The following ERBB4 variants were observed in gnomAD, a reference collection of about 807,000 sequenced individuals.
The protein encoded by ERBB4 is erb-b2 receptor tyrosine kinase 4, also known as receptor tyrosine-protein kinase erbB-4.
In ERBB4, 42 loss-of-function variants were observed where a neutral mutation model predicts 158.0. The ratio of observed to expected loss-of-function variants is 0.27; its 90% CI spans 0.21 to 0.34. The LOEUF is 0.34. ERBB4 is among the 10% of genes least tolerant of loss of function. The pLI is 1.00. For synonymous variants in ERBB4, 583 were observed against 558.7 expected (o/e 1.04, Z -0.61); for missense variants, 1,333 against 1,624.1 (o/e 0.82, Z 3.08).
intron 1 of ERBB4, among the ~76,000 whole-genome samples, chr2:212,281,896 A>G (rs746790664): frequency 6.6e-6 from 1 of 151,790 alleles, no homozygotes; most frequent in Non-Finnish European, 1.5e-5. Context: ...GTAAAAATCA[A>G]TTGTCTAACC....
At chr2:212,291,231 C>G (rs1241428903) in intron 1 of ERBB4, among the ~76,000 whole-genome samples, 1 of 152,094 alleles carries the variant, frequency 6.6e-6, no homozygotes, top group Non-Finnish European at 1.5e-5. Flanking sequence ...AACAACACTT[C>G]CTATAGACTC....
chr2:211,970,468 C>A (rs2081420340), intron 2 of ERBB4, among the ~76,000 whole-genome samples: 1 of 152,082 alleles, frequency 6.6e-6, no homozygotes, highest in South Asian at 2.1e-4. Flanking sequence ...CTAATATTGT[C>A]AGTGAGGTGT....
At chr2:212,427,111 C>T (rs1284208706) in intron 1 of ERBB4, among the ~76,000 whole-genome samples, 1 of 152,070 alleles carries the variant, frequency 6.6e-6, no homozygotes, top group Non-Finnish European at 1.5e-5. Context: ...CAACCCAACC[C>T]AGAATGCATT....
intron 20 of ERBB4, among the ~76,000 whole-genome samples, chr2:211,434,413 G>A (rs1334021330): frequency 6.6e-6 from 1 of 152,108 alleles, no homozygotes; most frequent in African/African-American, 2.4e-5. Context: ...CGAGAGATCT[G>A]TTGCTTCTTC....
intron 1 of ERBB4, among the ~76,000 whole-genome samples, chr2:212,346,727 GATCT>G (rs1447904588): frequency 6.6e-6 from 1 of 151,900 alleles, no homozygotes; most frequent in Non-Finnish European, 1.5e-5. Context: ...AACTTTTCTA[GATCT>G]ATCACACAAT....
chr2:212,476,662 C>A (rs1689420383), intron 1 of ERBB4, among the ~76,000 whole-genome samples: 1 of 152,038 alleles, frequency 6.6e-6, no homozygotes, highest in Non-Finnish European at 1.5e-5. Context: ...GGAACTAATG[C>A]CAAAGGTACC....
chr2:211,542,084 C>G (rs2066825045), intron 20 of ERBB4, among the ~76,000 whole-genome samples: 1 of 151,970 alleles, frequency 6.6e-6, no homozygotes. Flanking sequence ...ACTTTCATTT[C>G]ACCTAAGAAC....
chr2:211,584,018 T>C (rs942358193), intron 19 of ERBB4, among the ~76,000 whole-genome samples: 3 of 146,746 alleles, frequency 2.0e-5, no homozygotes, highest in African/African-American at 7.6e-5. Context: ...ACAGGTGAGA[T>C]AGCATACTAG....
chr2:212,488,433 G>C (rs1690099345), intron 1 of ERBB4, among the ~76,000 whole-genome samples: 1 of 151,146 alleles, frequency 6.6e-6, no homozygotes, highest in Non-Finnish European at 1.5e-5. Context: ...CATCCATATT[G>C]TTGTAAAAAT....
intron 19 of ERBB4, among the ~76,000 whole-genome samples, chr2:211,596,966 A>G (rs968935549): frequency 5.3e-5 from 8 of 152,032 alleles, no homozygotes; most frequent in Non-Finnish European, 1.0e-4. Flanking sequence ...GGTTTTTGCC[A>G]TGTTGGCCAG....
At chr2:211,567,628 A>C (rs2067589580) in intron 19 of ERBB4, among the ~76,000 whole-genome samples, 1 of 152,156 alleles carries the variant, frequency 6.6e-6, no homozygotes, top group South Asian at 2.1e-4. Flanking sequence ...CTCTTTTTAA[A>C]AATCTGTTAG....
intron 20 of ERBB4, among the ~76,000 whole-genome samples, chr2:211,467,059 C>T (rs2064712475): frequency 1.3e-5 from 2 of 151,992 alleles, no homozygotes; most frequent in South Asian, 4.1e-4. Flanking sequence ...CTCCAATGTC[C>T]ATGTTAGTAA....
At chr2:211,669,807 A>C (rs2071771006) in intron 14 of ERBB4, among the ~76,000 whole-genome samples, 1 of 152,326 alleles carries the variant, frequency 6.6e-6, no homozygotes, top group South Asian at 2.1e-4. Context: ...GAGATGTACG[A>C]GAAATTTACA....
intron 12 of ERBB4, among the ~76,000 whole-genome samples, chr2:211,699,486 T>C (rs1278911778): frequency 6.6e-6 from 1 of 152,208 alleles, no homozygotes; most frequent in African/African-American, 2.4e-5. Context: ...ATTATATTTC[T>C]GAAAATGGAG....
intron 25 of ERBB4, among the ~76,000 whole-genome samples, chr2:211,391,329 A>G (rs2062794214): frequency 6.6e-6 from 1 of 152,224 alleles, no homozygotes. Context: ...AGTTCGAAGC[A>G]GAACAAAGCA....
Position 212,426,300 on chromosome 2 carries a change from T to C in ERBB4, c.82+112149A>G, listed in dbSNP as rs923504759. 8 of 471,574 alleles carry C rather than the reference T, an allele frequency of 1.7e-5. No individual in the cohort carries two copies. In the African/African-American group the frequency reaches 1.7e-4, roughly 10 times the overall value. The allele number at this position is 471,574 out of a possible 1,614,324, so 29.2% of individuals were successfully genotyped here. On this transcript the variant is annotated intron_variant, in intron 1 of 27. Coordinates refer to ENST00000342788, the MANE Select transcript of ERBB4 (RefSeq NM_005235.3). ...GGTTGGTGCAAAAGTAATTACAGTT[T>C]TTGCCATTAAAAGTAATGATAAAAA...
At chr2:212,514,386 C>T (rs1691705588) in intron 1 of ERBB4, among the ~76,000 whole-genome samples, 1 of 152,186 alleles carries the variant, frequency 6.6e-6, no homozygotes, top group Admixed American at 6.5e-5. Flanking sequence ...ATAAAAGTTA[C>T]ACTTTATTGT....
chr2:211,432,199 G>T (rs1559162204), intron 20 of ERBB4, among the ~76,000 whole-genome samples: 6 of 152,196 alleles, frequency 3.9e-5, no homozygotes. Context: ...AATCAATGCT[G>T]TGGGCAGTTA....
At chr2:212,331,959 T>G (rs945420765) in intron 1 of ERBB4, among the ~76,000 whole-genome samples, 2 of 152,058 alleles carry the variant, frequency 1.3e-5, no homozygotes, top group African/African-American at 4.8e-5. Context: ...TCATACCTCC[T>G]ATTGCTGTCT....
Sources: allele counts gnomAD v4.1 joint callset (sites outside exome capture counted in the v4.1 genomes callset), GRCh38; gene constraint gnomAD v4.1.1; transcripts MANE v1.5; gene names NCBI Gene and HGNC (gene_info 2026-07-23, HGNC 2026-07-21).